Variants in RALGPS1 observed in about 807,000 individuals in gnomAD.
RALGPS1 encodes Ral GEF with PH domain and SH3 binding motif 1.
Under a neutral mutation model 78.8 loss-of-function variants are expected in RALGPS1, and 19 were observed. That is an observed-to-expected ratio of 0.24 (90% confidence interval 0.17 to 0.35). The LOEUF is 0.35. Among genes scored for constraint, RALGPS1 ranks in the 10% least tolerant of loss-of-function variants. The probability of loss-of-function intolerance (pLI) is 1.00; values close to 1 mark genes in which losing one functional copy is unlikely to be tolerated. For missense variants in RALGPS1, 454 were observed against 688.3 expected, an observed-to-expected ratio of 0.66 and a Z score of 3.81; for synonymous variants, 228 against 256.3, an observed-to-expected ratio of 0.89 and a Z score of 1.06.
rs2034345614 is a variant in RALGPS1 at position 126,917,959 on chromosome 9, C to A, written c.-66+2984C>A. 5.3e-5 allele frequency among the ~76,000 whole-genome samples: 8 copies of A among 152,238 alleles called. No homozygotes were observed. In the South Asian group the frequency reaches 1.7e-3, roughly 32 times the overall value. ...AAGGCAGGAGGGAGGAAACTAATGACCTCTTGTTTAGTTCTTCTTTTAAAA... is the reference window on the plus strand; with the variant it reads ...AAGGCAGGAGGGAGGAAACTAATGAACTCTTGTTTAGTTCTTCTTTTAAAA... On this transcript the variant is annotated intron_variant, in intron 1 of 18. Coordinates refer to ENST00000259351, the MANE Select transcript of RALGPS1 (RefSeq NM_014636.3).
chr9:127,116,874 A>G (rs1485012553), intron 8 of RALGPS1, among the ~76,000 whole-genome samples: 1 of 152,210 alleles, frequency 6.6e-6, no homozygotes, highest in Non-Finnish European at 1.5e-5. Context: ...GTCCAGGGGC[A>G]CAGTGCTACC....
At chr9:126,956,849 G>A (rs1272965353) in intron 1 of RALGPS1, among the ~76,000 whole-genome samples, 2 of 152,226 alleles carry the variant, frequency 1.3e-5, no homozygotes, top group Non-Finnish European at 2.9e-5. Flanking sequence ...AATCTTGATT[G>A]AGTACTTGCC....
intron 1 of RALGPS1, among the ~76,000 whole-genome samples, chr9:126,938,141 A>G (rs1432201951): frequency 6.6e-6 from 1 of 152,178 alleles, no homozygotes; most frequent in Non-Finnish European, 1.5e-5. Context: ...ATACAATGCC[A>G]TTTTCTGCAT....
At chr9:127,133,374 C>T (rs115978983) in intron 8 of RALGPS1, among the ~76,000 whole-genome samples, 2,704 of 152,384 alleles carry the variant, frequency 0.018, 80 homozygotes, top group African/African-American at 0.062. Flanking sequence ...CCCTTGGAAG[C>T]GCAGCTCAGT....
intron 1 of RALGPS1, among the ~76,000 whole-genome samples, chr9:126,944,327 TACCAGCCAG>T (rs2131538273): frequency 6.6e-6 from 1 of 152,304 alleles, no homozygotes; most frequent in African/African-American, 2.4e-5. Flanking sequence ...CCTGGCTTGG[TACCAGCCAG>T]ACCAGTAATG....
intron 8 of RALGPS1, among the ~76,000 whole-genome samples, chr9:127,116,265 C>G (rs952085302): frequency 6.6e-6 from 1 of 151,682 alleles, no homozygotes; most frequent in African/African-American, 2.4e-5. Context: ...ATTGCTGGCT[C>G]CAGGAAGAGT....
intron 1 of RALGPS1, among the ~76,000 whole-genome samples, chr9:126,925,840 A>G (rs2035226490): frequency 6.6e-6 from 1 of 152,224 alleles, no homozygotes; most frequent in African/African-American, 2.4e-5. Flanking sequence ...CTGACACCTG[A>G]AAGATGAATT....
At chr9:127,001,877 T>C (rs2043342380) in intron 4 of RALGPS1, among the ~76,000 whole-genome samples, 2 of 152,052 alleles carry the variant, frequency 1.3e-5, no homozygotes, top group Admixed American at 1.3e-4. Flanking sequence ...AGAGTGAGAC[T>C]CCATCTCAAA....
intron 1 of RALGPS1, among the ~76,000 whole-genome samples, chr9:126,934,717 C>T (rs1167490169): frequency 1.3e-5 from 2 of 152,116 alleles, no homozygotes; most frequent in South Asian, 4.1e-4. Flanking sequence ...CTTTTTGCTA[C>T]CCTGTCATGC....
At chr9:127,132,949 C>T (rs538162780) in intron 8 of RALGPS1, among the ~76,000 whole-genome samples, 5 of 152,204 alleles carry the variant, frequency 3.3e-5, no homozygotes, top group Non-Finnish European at 7.3e-5. Context: ...GGTCCAAATC[C>T]CAGCCCCACT....
chr9:127,104,825 T>G (rs2136971655), intron 8 of RALGPS1, among the ~76,000 whole-genome samples: 1 of 152,282 alleles, frequency 6.6e-6, no homozygotes, highest in East Asian at 1.9e-4. Context: ...GCAAAGGTGT[T>G]TAATTGCAAA....
intron 1 of RALGPS1, among the ~76,000 whole-genome samples, chr9:126,956,088 G>A (rs1346018501): frequency 6.6e-6 from 1 of 152,216 alleles, no homozygotes; most frequent in African/African-American, 2.4e-5. Flanking sequence ...CTACTCCCGA[G>A]GGTGTGGCAC....
intron 8 of RALGPS1, among the ~76,000 whole-genome samples, chr9:127,111,252 A>G (rs952438665): frequency 9.9e-5 from 15 of 151,878 alleles, no homozygotes; most frequent in Non-Finnish European, 1.8e-4. Flanking sequence ...CTGAAATACC[A>G]CCTTCTCAGT....
At chr9:127,033,920 C>T (rs2046640241) in intron 4 of RALGPS1, among the ~76,000 whole-genome samples, 1 of 152,172 alleles carries the variant, frequency 6.6e-6, no homozygotes, top group South Asian at 2.1e-4. Context: ...ATTGGAGGGG[C>T]CAACTTCAGG....
At chr9:127,147,990 G>A (rs903321090) in intron 8 of RALGPS1, among the ~76,000 whole-genome samples, 5 of 152,230 alleles carry the variant, frequency 3.3e-5, no homozygotes, top group Admixed American at 6.5e-5. Flanking sequence ...AGAACTTACA[G>A]TGAAGTCTGT....
At chr9:126,952,707 G>A (rs941931332) in intron 1 of RALGPS1, among the ~76,000 whole-genome samples, 1 of 148,878 alleles carries the variant, frequency 6.7e-6, no homozygotes, top group Non-Finnish European at 1.5e-5. Context: ...CTGTGCGCAT[G>A]TGCATGCGTG....
chr9:127,113,004 G>A (rs187287675), intron 8 of RALGPS1, among the ~76,000 whole-genome samples: 3 of 152,286 alleles, frequency 2.0e-5, no homozygotes, highest in Middle Eastern at 3.4e-3. Flanking sequence ...GTCATGTTGC[G>A]AGCAGTGGGA....
intron 8 of RALGPS1, among the ~76,000 whole-genome samples, chr9:127,133,251 C>T (rs1213250028): frequency 3.9e-5 from 6 of 152,200 alleles, no homozygotes; most frequent in Non-Finnish European, 5.9e-5. Flanking sequence ...CCCGGTGCCC[C>T]GGACCCTCAG....
chr9:126,952,652 A>AGTGTGGGTGGGTGTGTGTGTGTGT (rs768212640), intron 1 of RALGPS1, among the ~76,000 whole-genome samples: 1 of 122,428 alleles, frequency 8.2e-6, no homozygotes. Context: ...AGAGAGAGAG[A>AGTGTGGGTGGGTGTGTGTGTGTGT]GAGAGTGTGT....
Sources: allele counts gnomAD v4.1 joint callset (sites outside exome capture counted in the v4.1 genomes callset), GRCh38; gene constraint gnomAD v4.1.1; transcripts MANE v1.5; gene names NCBI Gene and HGNC (gene_info 2026-07-23, HGNC 2026-07-21).